Variants in GALNT13 observed in about 807,000 individuals in gnomAD.
GALNT13 encodes UDP-GalNAc:polypeptide N-acetylgalactosaminyltransferase 13.
In GALNT13, 28 loss-of-function variants were observed where a neutral mutation model predicts 64.2. The ratio of observed to expected loss-of-function variants is 0.44; its 90% CI spans 0.32 to 0.60. The LOEUF is 0.60. GALNT13 is among the 20% of genes least tolerant of loss of function. The probability of loss-of-function intolerance (pLI) is 0.05; values close to 1 mark genes in which losing one functional copy is unlikely to be tolerated. For missense variants in GALNT13, 577 were observed against 669.8 expected, an observed-to-expected ratio of 0.86 and a Z score of 1.53; for synonymous variants, 214 against 224.6, an observed-to-expected ratio of 0.95 and a Z score of 0.42.
At chr2:153,849,728 C>A in the GALNT13 span, among the ~76,000 whole-genome samples, 6 of 151,922 alleles carry the variant, frequency 3.9e-5, no homozygotes, top group Non-Finnish European at 8.8e-5. Context: ...CATGGTGGTA[C>A]AGTTTGAAAG....
At chr2:153,182,456 T>A in the GALNT13 span, among the ~76,000 whole-genome samples, 5 of 152,244 alleles carry the variant, frequency 3.3e-5, no homozygotes, top group African/African-American at 1.2e-4. Flanking sequence ...ATTCTTTAAC[T>A]TTTAAGTTCA....
At chr2:154,454,288 A>G (rs1055783171), downstream of GALNT13, among the ~76,000 whole-genome samples, 3 of 152,094 alleles carry the variant, frequency 2.0e-5, no homozygotes, top group Non-Finnish European at 4.4e-5. Context: ...TGTTGCCTGG[A>G]CCCCTTATTG....
At chr2:154,053,418 T>C (rs576439995) in intron 3 of GALNT13, among the ~76,000 whole-genome samples, 8 of 152,188 alleles carry the variant, frequency 5.3e-5, no homozygotes, top group African/African-American at 1.9e-4. Flanking sequence ...TCTTGCCCTC[T>C]CCTTTAAAAA....
At chr2:154,351,816 G>A (rs1172617182) in intron 9 of GALNT13, among the ~76,000 whole-genome samples, 1 of 146,622 alleles carries the variant, frequency 6.8e-6, no homozygotes, top group Non-Finnish European at 1.5e-5. Flanking sequence ...AAGGAATAGT[G>A]TAGGTTCTAA....
intron 3 of GALNT13, among the ~76,000 whole-genome samples, chr2:154,113,956 C>A (rs1035877145): frequency 1.3e-5 from 2 of 152,182 alleles, no homozygotes; most frequent in Non-Finnish European, 1.5e-5. Context: ...AGCAATAAAA[C>A]CACATCTGGT....
chr2:153,858,271 T>A, the GALNT13 span, among the ~76,000 whole-genome samples: 1 of 152,252 alleles, frequency 6.6e-6, no homozygotes, highest in Admixed American at 6.5e-5. Context: ...ATAACTAGCA[T>A]GGAGGCCAGT....
chr2:153,376,277 A>G, the GALNT13 span, among the ~76,000 whole-genome samples: 74 of 152,320 alleles, frequency 4.9e-4, no homozygotes, highest in Non-Finnish European at 6.9e-4. Flanking sequence ...GGAACAAAGC[A>G]TGTGGTTGAC....
intron 11 of GALNT13, among the ~76,000 whole-genome samples, chr2:154,425,044 T>C (rs1422043609): frequency 6.6e-6 from 1 of 152,216 alleles, no homozygotes; most frequent in Admixed American, 6.5e-5. Context: ...TGAAGAGTAC[T>C]CTCCCTTTAC....
chr2:153,313,969 G>A, the GALNT13 span, among the ~76,000 whole-genome samples: 1 of 151,936 alleles, frequency 6.6e-6, no homozygotes, highest in African/African-American at 2.4e-5. Flanking sequence ...CCTTTTCTGT[G>A]TGTTGACTAT....
At chr2:153,323,655 TA>T in the GALNT13 span, among the ~76,000 whole-genome samples, 159 of 152,326 alleles carry the variant, frequency 1.0e-3, 1 homozygote, top group African/African-American at 3.7e-3. Context: ...CATCTTGAGT[TA>T]ATTATTGTAT....
At chr2:154,137,857 T>C (rs1683041774) in intron 3 of GALNT13, among the ~76,000 whole-genome samples, 1 of 152,068 alleles carries the variant, frequency 6.6e-6, no homozygotes, top group South Asian at 2.1e-4. Flanking sequence ...CTTTGTCATA[T>C]GGGTTATTTT....
chr2:154,241,155 G>T (rs541798554), intron 4 of GALNT13, among the ~76,000 whole-genome samples: 1 of 152,274 alleles, frequency 6.6e-6, no homozygotes, highest in South Asian at 2.1e-4. Context: ...CCAGCAGCTT[G>T]TGTGTCTGCC....
At chr2:153,295,864 G>C in the GALNT13 span, among the ~76,000 whole-genome samples, 52,416 of 151,994 alleles carry the variant, frequency 0.34, 9,251 homozygotes, top group Middle Eastern at 0.49. Flanking sequence ...AGCGTTGAAG[G>C]CTAATAAAAT....
chr2:153,160,596 C>T, the GALNT13 span, among the ~76,000 whole-genome samples: 2 of 152,246 alleles, frequency 1.3e-5, no homozygotes, highest in South Asian at 2.1e-4. Context: ...GATGACTACA[C>T]AAGTGTACTC....
chr2:154,158,860 C>T (rs1274765606), intron 4 of GALNT13, among the ~76,000 whole-genome samples: 1 of 152,080 alleles, frequency 6.6e-6, no homozygotes, highest in African/African-American at 2.4e-5. Flanking sequence ...AATAATGGAA[C>T]AGTAGTCATA....
the GALNT13 span, among the ~76,000 whole-genome samples, chr2:153,119,074 A>G: frequency 6.6e-6 from 1 of 152,094 alleles, no homozygotes; most frequent in Non-Finnish European, 1.5e-5. Flanking sequence ...TGCTGCCACC[A>G]TGTGAAGAAG....
At chr2:153,592,360 A>T in the GALNT13 span, among the ~76,000 whole-genome samples, 12 of 152,224 alleles carry the variant, frequency 7.9e-5, no homozygotes, top group Admixed American at 7.2e-4. Flanking sequence ...AAAATAAATC[A>T]GTATATCAAA....
Position 154,062,380 on chromosome 2 carries a change from A to T in GALNT13, c.143-77957A>T, listed in dbSNP as rs146027157. On this transcript the variant is annotated intron_variant, in intron 3 of 12. Transcript: ENST00000392825. Reference sequence around the variant, plus strand: ...TCTATTTCTTTCTGAAGTCCATTACATTCTCTTATCTTTTCTTCTTATTTG... The same window carrying T: ...TCTATTTCTTTCTGAAGTCCATTACTTTCTCTTATCTTTTCTTCTTATTTG... Among the ~76,000 whole-genome samples, 7 of 152,178 alleles carry T rather than the reference A, an allele frequency of 4.6e-5. No homozygotes were observed. In the East Asian group the frequency reaches 1.2e-3, roughly 25 times the overall value.
At chr2:153,596,661 G>T in the GALNT13 span, among the ~76,000 whole-genome samples, 2 of 151,858 alleles carry the variant, frequency 1.3e-5, no homozygotes, top group African/African-American at 4.8e-5. Context: ...AACATGACAG[G>T]ATTAGTTTAA....
Sources: gnomAD v4.1 joint callset for allele counts (sites outside exome capture counted in the v4.1 genomes callset) on GRCh38, gnomAD v4.1.1 for gene constraint, MANE v1.5 for transcripts, NCBI Gene and HGNC (gene_info 2026-07-23, HGNC 2026-07-21) for gene names.